The following ZBTB2 variants were observed in gnomAD, a reference collection of about 807,000 sequenced individuals.
ZBTB2 encodes the protein zinc finger and BTB domain-containing protein 2.
ZBTB2 carries 2 observed loss-of-function variants against 39.5 expected under a neutral mutation model. The observed-to-expected ratio is 0.05, with a 90% CI of 0.02 to 0.16. ZBTB2 has a LOEUF of 0.16. ZBTB2 is among the 10% of genes least tolerant of loss of function. The pLI, the probability that ZBTB2 is intolerant of heterozygous loss-of-function variation, is 1.00. For missense variants in ZBTB2, 391 were observed against 653.0 expected (o/e 0.60, Z 4.37); for synonymous variants, 251 against 256.6 (o/e 0.98, Z 0.21).
chr6:151,373,870 A>AAAAAAAAC lies in ZBTB2; in HGVS notation c.-12-229_-12-222dup, dbSNP rs1554336611. ...AAAAAAAAAAAAAAAAAAAAAAAAAAAAAAAAACCAGATGATGCCATTTAA... is the reference window on the plus strand; with the variant it reads ...AAAAAAAAAAAAAAAAAAAAAAAAAAAAAAAAACAAAAAAACCAGATGATGCCATTTAA... On this transcript the variant is annotated intron_variant, in intron 1 of 2. Coordinates refer to ENST00000325144, the MANE Select transcript of ZBTB2 (RefSeq NM_020861.3). Among the ~76,000 whole-genome samples, 389 of 123,512 alleles carry AAAAAAAAC rather than the reference A, an allele frequency of 3.1e-3. 16 individuals are homozygous for AAAAAAAAC. The highest frequency in any genetic ancestry group is 8.1e-3 in the East Asian group (35 of 4,314). 81.0% of individuals were successfully genotyped at this position (123,512 alleles called of 152,430 possible). A position where few individuals can be genotyped will look rare whatever the true frequency, so the allele number is the denominator to read the frequency against.
Position 151,366,281 on chromosome 6 carries a change from C to T in ZBTB2, c.785G>A (p.Arg262His), listed in dbSNP as rs778802922. The T allele has an allele frequency of 2.5e-6, 4 of 1,614,036 alleles. No individual in the cohort carries two copies. Among genetic ancestry groups the T allele is most frequent in the East Asian group, 2.2e-5 (1 of 44,842 alleles). ...ACGTAAGCTGCTCCGGAGAGTGAAG[C>T]GCCGTCCACACAGGTGGCAGGCATA... The part of the protein sequence containing the change: ...KYYACHLCGR[R>H]FTLRSSLREH... The change falls in exon 3 of 3, where the codon CGC (arginine) becomes CAC (histidine). Residue 262 changes from arginine to histidine, a missense_variant. Coordinates refer to ENST00000325144, the MANE Select transcript of ZBTB2 (RefSeq NM_020861.3). This position sits in a 1 kb window ranked among gnomAD's most constrained non-coding sequence, Gnocchi z 7.1.
rs563253280 is a variant in ZBTB2, at chr6:151,368,738, G to C, written c.174-1846C>G. Among the ~76,000 whole-genome samples, 3 of 143,964 alleles carry C rather than the reference G, an allele frequency of 2.1e-5. No homozygotes were observed. In the South Asian group the frequency reaches 6.7e-4, roughly 32 times the overall value. The allele number at this position is 143,964 out of a possible 152,430, so 94.4% of individuals were successfully genotyped here. On this transcript the variant is annotated intron_variant, in intron 2 of 2. Coordinates refer to ENST00000325144, the MANE Select transcript of ZBTB2 (RefSeq NM_020861.3). ...CAAAGTGATGGGATTACAGGCGTGA[G>C]CTACTGCGCCTGGTCATTTTTCTTT...
At chr6:151,386,496 T>A (rs970549514) in intron 1 of ZBTB2, among the ~76,000 whole-genome samples, 2 of 152,330 alleles carry the variant, frequency 1.3e-5, no homozygotes, top group Admixed American at 6.5e-5. Context: ...GTCATGCCAC[T>A]GCACTCTAGC....
chr6:151,385,544 T>C (rs1779131776), intron 1 of ZBTB2, among the ~76,000 whole-genome samples: 1 of 152,222 alleles, frequency 6.6e-6, no homozygotes, highest in Admixed American at 6.5e-5. Flanking sequence ...GTGGAAATTG[T>C]TGATTCAGTT....
rs1301312191 is a variant in ZBTB2 at position 151,364,675 on chromosome 6, A to G, written c.*846T>C. On this transcript the variant is annotated 3_prime_UTR_variant, in exon 3 of 3. Transcript: ENST00000325144. Reference sequence around the variant, plus strand: ...AAATTATCACTGGCAGCTGCTAGAAAATGGCATGTCATGTTCTATTCAGAA... The same window carrying G: ...AAATTATCACTGGCAGCTGCTAGAAGATGGCATGTCATGTTCTATTCAGAA... 6.6e-6 allele frequency: 1 copy of G among 152,242 alleles called. No individual in the cohort carries two copies. The highest frequency in any genetic ancestry group is 1.5e-5 in the Non-Finnish European group (1 of 68,040). 9.4% of individuals were successfully genotyped at this position (152,242 alleles called of 1,614,324 possible). A position where few individuals can be genotyped will look rare whatever the true frequency, so the allele number is the denominator to read the frequency against.
chr6:151,390,027 T>A (rs1471569316), intron 1 of ZBTB2, among the ~76,000 whole-genome samples: 1 of 148,888 alleles, frequency 6.7e-6, no homozygotes, highest in Non-Finnish European at 1.5e-5. Context: ...GGTTGGGGCG[T>A]GAGGGCCGCG....
intron 1 of ZBTB2, among the ~76,000 whole-genome samples, chr6:151,385,041 A>T (rs770259745): frequency 1.9e-3 from 146 of 76,902 alleles, no homozygotes; most frequent in Non-Finnish European, 2.6e-3. Context: ...ATATGAACTT[A>T]AAAAAAACCC....
In ZBTB2 at chr6:151,366,676, A is replaced by C. The variant is rs1778659743; in HGVS notation, c.390T>G (p.Ser130=). 3 of 1,614,154 alleles carry C rather than the reference A, an allele frequency of 1.9e-6. No individual in the cohort carries two copies. The highest frequency in any genetic ancestry group is 2.5e-6 in the Non-Finnish European group (3 of 1,180,030). ...SHPDQVFPLA[S]SLYGIQIADH... is the part of the protein sequence containing the mutation. Reference sequence around the variant, plus strand: ...CTGCAATCTGAATGCCATACAATGAAGAAGCCAGTGGGAAAACTTGGTCAG... The same window carrying C: ...CTGCAATCTGAATGCCATACAATGACGAAGCCAGTGGGAAAACTTGGTCAG... Residue 130 remains serine, a synonymous_variant, in exon 3 of 3, where the codon TCT becomes TCG. Coordinates refer to ENST00000325144, the MANE Select transcript of ZBTB2 (RefSeq NM_020861.3). The surrounding 1 kb of genome is among the most constrained non-coding windows in gnomAD (Gnocchi z 7.1).
intron 1 of ZBTB2, among the ~76,000 whole-genome samples, chr6:151,386,316 G>A (rs1470343564): frequency 3.3e-5 from 5 of 152,126 alleles, no homozygotes; most frequent in Non-Finnish European, 5.9e-5. Context: ...AGGCCAAGGC[G>A]GGCAGATCAC....
chr6:151,368,457 GT>G (rs2114852771), intron 2 of ZBTB2, among the ~76,000 whole-genome samples: 1 of 146,548 alleles, frequency 6.8e-6, no homozygotes, highest in Non-Finnish European at 1.5e-5. Context: ...CAACTTTGTT[GT>G]TTTTTGTTTT....
intron 2 of ZBTB2, among the ~76,000 whole-genome samples, chr6:151,367,440 G>A (rs940673430): frequency 1.3e-5 from 2 of 152,134 alleles, no homozygotes; most frequent in Non-Finnish European, 2.9e-5. Context: ...TAAATATTAT[G>A]TATTCTATTT....
At chr6:151,367,578 T>C (rs867331606) in intron 2 of ZBTB2, among the ~76,000 whole-genome samples, 1 of 152,204 alleles carries the variant, frequency 6.6e-6, no homozygotes, top group Non-Finnish European at 1.5e-5. Flanking sequence ...GATTGAGGAT[T>C]AGAGGGTTAA....
At chr6:151,373,870 A>AAAAAAAAAAAAAAAAAC (rs1778843577) in intron 1 of ZBTB2, among the ~76,000 whole-genome samples, 1 of 123,600 alleles carries the variant, frequency 8.1e-6, no homozygotes, top group Admixed American at 9.1e-5. Flanking sequence ...AAAAAAAAAA[A>AAAAAAAAAAAAAAAAAC]AAAAAAACCA....
intron 1 of ZBTB2, among the ~76,000 whole-genome samples, chr6:151,374,127 GAGAT>G (rs1562766704): frequency 6.6e-6 from 1 of 152,138 alleles, no homozygotes; most frequent in African/African-American, 2.4e-5. Flanking sequence ...TTCTTCCACA[GAGAT>G]AGATAAATTA....
intron 1 of ZBTB2, among the ~76,000 whole-genome samples, chr6:151,378,900 T>C (rs887733109): frequency 2.0e-5 from 3 of 152,228 alleles, no homozygotes; most frequent in Non-Finnish European, 2.9e-5. Context: ...CTTGAGATAT[T>C]TGAAGTATTG....
At chr6:151,380,347 A>G (rs1041823136) in intron 1 of ZBTB2, among the ~76,000 whole-genome samples, 1 of 152,204 alleles carries the variant, frequency 6.6e-6, no homozygotes, top group Non-Finnish European at 1.5e-5. Context: ...AGAAGGTACT[A>G]TGGGCTCCAC....
chr6:151,376,457 A>G (rs1208104457), intron 1 of ZBTB2, among the ~76,000 whole-genome samples: 1 of 152,220 alleles, frequency 6.6e-6, no homozygotes, highest in African/African-American at 2.4e-5. Flanking sequence ...TCCTTTGACA[A>G]AGGATTAGTA....
At chr6:151,370,125 T>C (rs1406268006) in intron 2 of ZBTB2, 4 of 972,876 alleles carry the variant, frequency 4.1e-6, no homozygotes, top group South Asian at 9.5e-5. Flanking sequence ...TTTCCAGATA[T>C]GTTTGACATA....
Position 151,390,869 on chromosome 6 carries a change from G to A in ZBTB2, c.-13+551C>T, listed in dbSNP as rs1431326393. ...AGGAGGCGGCGGCGAGGCGTCGGAA[G>A]GATTACGCACCTGACGGGCCCGCCT... On this transcript the variant is annotated intron_variant, in intron 1 of 2. Transcript: ENST00000325144. Among the ~76,000 whole-genome samples, 4 of 151,390 alleles carry A rather than the reference G, an allele frequency of 2.6e-5. No individual in the cohort carries two copies. The East Asian group carries it at 8.0e-4, about 30-fold the overall frequency.
Sources: allele counts gnomAD v4.1 joint callset (sites outside exome capture counted in the v4.1 genomes callset), GRCh38; gene constraint gnomAD v4.1.1; non-coding constraint Gnocchi (gnomAD v3.1); transcripts MANE v1.5; gene names NCBI Gene and HGNC (gene_info 2026-07-23, HGNC 2026-07-21).